The following TRABD2B variants were observed in gnomAD, a reference collection of about 807,000 sequenced individuals.
TRABD2B encodes metalloprotease TIKI2.
Under a neutral mutation model 40.1 loss-of-function variants are expected in TRABD2B, and 14 were observed. The ratio of observed to expected loss-of-function variants is 0.35; its 90% CI spans 0.23 to 0.55. The LOEUF (loss-of-function observed/expected upper bound fraction) is 0.55, where lower values mean the gene tolerates loss of function less well. Ranked by LOEUF, TRABD2B falls within the 20% of genes least tolerant of loss-of-function variation. The probability of loss-of-function intolerance (pLI) is 0.90; values close to 1 mark genes in which losing one functional copy is unlikely to be tolerated. For synonymous variants in TRABD2B, 263 were observed against 277.0 expected, an observed-to-expected ratio of 0.95 and a Z score of 0.50; for missense variants, 541 against 648.6, an observed-to-expected ratio of 0.83 and a Z score of 1.80.
intron 2 of TRABD2B, among the ~76,000 whole-genome samples, chr1:47,928,685 C>G (rs1431313111): frequency 6.6e-6 from 1 of 152,258 alleles, no homozygotes; most frequent in East Asian, 1.9e-4. Flanking sequence ...AAAAGTCAAT[C>G]TGCAAACATC....
intron 2 of TRABD2B, among the ~76,000 whole-genome samples, chr1:47,847,264 T>C (rs1645485013): frequency 6.6e-6 from 1 of 152,138 alleles, no homozygotes; most frequent in Admixed American, 6.5e-5. Flanking sequence ...AATGGACTTA[T>C]CTTCCATGGT....
chr1:47,846,925 A>C (rs1331593532), intron 2 of TRABD2B, among the ~76,000 whole-genome samples: 1 of 144,386 alleles, frequency 6.9e-6, no homozygotes, highest in Non-Finnish European at 1.5e-5. Flanking sequence ...TCTGACCCTC[A>C]GCTCGATAGC....
intron 3 of TRABD2B, chr1:47,795,793 C>A: frequency 1.4e-6 from 1 of 739,408 alleles, no homozygotes; most frequent in Non-Finnish European, 1.7e-6. Flanking sequence ...GGACATAATG[C>A]AAATGCCTCC....
intron 2 of TRABD2B, among the ~76,000 whole-genome samples, chr1:47,941,574 C>A (rs775876357): frequency 1.3e-5 from 2 of 152,210 alleles, no homozygotes; most frequent in Non-Finnish European, 2.9e-5. Flanking sequence ...GTGAACCTGG[C>A]TAAGTCATTT....
chr1:47,983,773 AGAG>A (rs1299106316), intron 2 of TRABD2B, among the ~76,000 whole-genome samples: 1 of 145,800 alleles, frequency 6.9e-6, no homozygotes, highest in East Asian at 2.0e-4. Flanking sequence ...AAAAAAAAAA[AGAG>A]GAGCCAGGAA....
Position 47,904,206 on chromosome 1 carries a change from C to T in TRABD2B, c.666+89828G>A, listed in dbSNP as rs571397059. Among the ~76,000 whole-genome samples, 9 of 152,174 alleles carry T rather than the reference C, an allele frequency of 5.9e-5. No individual in the cohort carries two copies. In the South Asian group the frequency reaches 1.9e-3, roughly 32 times the overall value. ...TGGAGGAGGAGTGATCTGAACCTAA[C>T]CTTGAAAGATGGGTGGAAAGAATGT... On this transcript the variant is annotated intron_variant, in intron 2 of 6. Transcript: ENST00000606738.
chr1:47,914,628 G>A (rs964930305), intron 2 of TRABD2B, among the ~76,000 whole-genome samples: 10 of 152,168 alleles, frequency 6.6e-5, no homozygotes, highest in African/African-American at 2.4e-4. Flanking sequence ...AGAAGACTAC[G>A]CCAGCGCCCA....
At chr1:47,845,487 A>G (rs1454320530) in intron 2 of TRABD2B, among the ~76,000 whole-genome samples, 2 of 152,204 alleles carry the variant, frequency 1.3e-5, no homozygotes, top group African/African-American at 2.4e-5. Context: ...ATATTAGGAG[A>G]CTGAGGCACA....
intron 2 of TRABD2B, among the ~76,000 whole-genome samples, chr1:47,881,378 G>T (rs1043912319): frequency 6.6e-6 from 1 of 152,170 alleles, no homozygotes; most frequent in Non-Finnish European, 1.5e-5. Flanking sequence ...TTACTTGGAC[G>T]GTGTTAAGAC....
chr1:47,927,337 C>T (rs1203720606), intron 2 of TRABD2B, among the ~76,000 whole-genome samples: 1 of 152,244 alleles, frequency 6.6e-6, no homozygotes, highest in Admixed American at 6.5e-5. Context: ...ATAAATCCAA[C>T]TGCAAACATC....
At chr1:47,993,896 C>T in intron 2 of TRABD2B, 138 bp downstream of exon 2, 1 of 864,902 alleles carries the variant, frequency 1.2e-6, no homozygotes, top group South Asian at 1.8e-5. Context: ...TGCCTCGCTG[C>T]CCAGCAGAAC....
intron 2 of TRABD2B, among the ~76,000 whole-genome samples, chr1:47,983,763 A>G (rs958376906): frequency 2.6e-5 from 4 of 152,094 alleles, no homozygotes; most frequent in African/African-American, 9.7e-5. Flanking sequence ...AAAGAAAAAA[A>G]AAAAAAAAAA....
chr1:47,980,014 T>G (rs1378613902), intron 2 of TRABD2B, among the ~76,000 whole-genome samples: 1 of 152,110 alleles, frequency 6.6e-6, no homozygotes, highest in Non-Finnish European at 1.5e-5. Context: ...ATGCAGAACA[T>G]GAGAGTGAGG....
chr1:47,863,395 A>ATATATATATATATATATATATATATATAT (rs1553159688), intron 2 of TRABD2B, among the ~76,000 whole-genome samples: 5 of 31,990 alleles, frequency 1.6e-4, no homozygotes, highest in Non-Finnish European at 3.0e-4. Context: ...TATATATATA[A>ATATATATATATATATATATATATATATAT]TCTCTTAAAA....
chr1:47,796,033 C>T (rs1348324239), intron 3 of TRABD2B, among the ~76,000 whole-genome samples: 1 of 152,144 alleles, frequency 6.6e-6, no homozygotes, highest in Non-Finnish European at 1.5e-5. Context: ...AAAGAAGGTA[C>T]CCAGATTCCT....
chr1:47,829,027 G>C (rs1439494435), intron 2 of TRABD2B, among the ~76,000 whole-genome samples: 4 of 152,186 alleles, frequency 2.6e-5, no homozygotes, highest in Non-Finnish European at 5.9e-5. Context: ...CCTACCCTGA[G>C]CCTGTGATGT....
chr1:47,960,235 A>T (rs571763581), intron 2 of TRABD2B, among the ~76,000 whole-genome samples: 43 of 152,354 alleles, frequency 2.8e-4, no homozygotes, highest in African/African-American at 1.0e-3. Flanking sequence ...AGAGCTATTT[A>T]TGACAAACCC....
At chr1:47,992,443 A>G (rs1646025181) in intron 2 of TRABD2B, among the ~76,000 whole-genome samples, 1 of 152,194 alleles carries the variant, frequency 6.6e-6, no homozygotes, top group African/African-American at 2.4e-5. Context: ...CTGCTTAGCC[A>G]GAGTTTGTGT....
chr1:47,983,124 T>C (rs1350093424), intron 2 of TRABD2B, among the ~76,000 whole-genome samples: 1 of 152,148 alleles, frequency 6.6e-6, no homozygotes, highest in African/African-American at 2.4e-5. Context: ...ATGTGGTACA[T>C]ACATGCCATG....
Sources: gnomAD v4.1 joint callset for allele counts (sites outside exome capture counted in the v4.1 genomes callset) on GRCh38, gnomAD v4.1.1 for gene constraint, MANE v1.5 for transcripts, NCBI Gene and HGNC (gene_info 2026-07-23, HGNC 2026-07-21) for gene names.